The following PSMD3 variants were observed in gnomAD, a reference collection of about 807,000 sequenced individuals.
PSMD3 encodes the protein proteasome 26S subunit, non-ATPase 3.
PSMD3 carries 5 observed loss-of-function variants against 62.8 expected under a neutral mutation model. The ratio of observed to expected loss-of-function variants is 0.08; its 90% CI spans 0.04 to 0.17. The LOEUF (loss-of-function observed/expected upper bound fraction) is 0.17. Among genes scored for constraint, PSMD3 ranks in the 10% least tolerant of loss-of-function variants. PSMD3 has a pLI of 1.00. For missense variants in PSMD3, 524 were observed against 713.6 expected, an observed-to-expected ratio of 0.73 and a Z score of 3.03; for synonymous variants, 265 against 283.9, an observed-to-expected ratio of 0.93 and a Z score of 0.67.
chr17:39,988,957 T>C (rs1273033723), intron 4 of PSMD3, 138 bp downstream of exon 4: 15 of 1,163,590 alleles, frequency 1.3e-5, no homozygotes, highest in Non-Finnish European at 1.8e-5. Flanking sequence ...TCCCATGCCC[T>C]GCGCCACGTG....
At chr17:39,990,579 G>A (rs918484804) in intron 6 of PSMD3, among the ~76,000 whole-genome samples, 1 of 152,134 alleles carries the variant, frequency 6.6e-6, no homozygotes, top group Non-Finnish European at 1.5e-5. Flanking sequence ...TTGCAGGTGC[G>A]AGCTGCCATG....
chr17:39,992,024 C>CAAAAAAAAAAAAAAAAA lies in PSMD3; in HGVS notation c.981+1836_981+1837insAAAAAAAAAAAAAAAAA, dbSNP rs59894264. Among the ~76,000 whole-genome samples the CAAAAAAAAAAAAAAAAA allele has an allele frequency of 7.8e-5, 8 of 102,014 alleles. 2 individuals are homozygous for CAAAAAAAAAAAAAAAAA. Among genetic ancestry groups the CAAAAAAAAAAAAAAAAA allele is most frequent in the East Asian group, 7.3e-4 (2 of 2,748 alleles). 66.9% of individuals were successfully genotyped at this position (102,014 alleles called of 152,430 possible). On this transcript the variant is annotated intron_variant, in intron 6 of 11. Transcript: ENST00000264639. ...TGGGCGACAGAGCAAGACTCTGTCTCAAAAAAAAACAAACATTAAAATTGA... is the reference window on the plus strand; with the variant it reads ...TGGGCGACAGAGCAAGACTCTGTCTCAAAAAAAAAAAAAAAAAAAAAAAAAACAAACATTAAAATTGA...
chr17:39,981,777 C>G (rs552116367), intron 1 of PSMD3, among the ~76,000 whole-genome samples: 7 of 152,326 alleles, frequency 4.6e-5, no homozygotes, highest in African/African-American at 1.7e-4. Flanking sequence ...CCCTCTGTTT[C>G]TAAAGGGTTT....
rs189315822 is a variant in PSMD3, at chr17:39,981,608, C to A, written c.220+418C>A. Among the ~76,000 whole-genome samples the A allele has an allele frequency of 1.5e-3, 230 of 152,312 alleles. 1 individual carries two copies. Among genetic ancestry groups the A allele is most frequent in the African/African-American group, 5.1e-3 (211 of 41,560 alleles). On this transcript the variant is annotated intron_variant, in intron 1 of 11. Coordinates refer to ENST00000264639, the MANE Select transcript of PSMD3 (RefSeq NM_002809.4). ...GCCAGGATGACCTAGAATATTGACT[C>A]CTGAGTTTTAAAACTGTACAGCAGA...
At position 39,990,217 on chromosome 17, in the gene PSMD3, A is replaced by G. The variant is rs762385571; in HGVS notation, c.981+20A>G. 4 of 1,500,162 alleles carry G rather than the reference A, an allele frequency of 2.7e-6. No individual in the cohort carries two copies. Among genetic ancestry groups the G allele is most frequent in the Non-Finnish European group, 3.6e-6 (4 of 1,108,132 alleles). The allele number at this position is 1,500,162 out of a possible 1,614,324, so 92.9% of individuals were successfully genotyped here. ...CAGACGGTGAGCCACAACTACCATC[A>G]TCCCTTTGCCTCTTTTTTTTTTTTT... On this transcript the variant is annotated intron_variant, in intron 6 of 11. Transcript: ENST00000264639.
chr17:39,994,071 T>C (rs1410091643), intron 6 of PSMD3: 1 of 152,278 alleles, frequency 6.6e-6, no homozygotes, highest in Non-Finnish European at 1.5e-5. Flanking sequence ...CCTCCTCCTT[T>C]TTCTGCTTTG....
At chr17:39,990,230 T>A in intron 6 of PSMD3, 33 bp downstream of exon 6, 4 of 352,898 alleles carry the variant, frequency 1.1e-5, no homozygotes, top group Non-Finnish European at 1.5e-5. Flanking sequence ...CCTTTGCCTC[T>A]TTTTTTTTTT....
Position 39,985,247 on chromosome 17 carries a change from C to A in PSMD3, c.411+763C>A, listed in dbSNP as rs192098038. On this transcript the variant is annotated intron_variant, in intron 2 of 11. Transcript: ENST00000264639. ...CTACCTCAAAACAAAACAAAAAAAA[C>A]CCCACAGATTTTAGAGGTAGAGTTG... 5.0e-3 allele frequency among the ~76,000 whole-genome samples: 766 copies of A among 152,124 alleles called. 1 individual carries two copies. The highest frequency in any genetic ancestry group is 0.017 in the African/African-American group (714 of 41,504).
chr17:39,996,300 A>C lies in PSMD3; in HGVS notation c.1438A>C (p.Ile480Leu). Residue 480 changes from isoleucine to leucine, a missense_variant, in exon 10 of 12, where the codon ATC becomes CTC. By Grantham distance (5) the Ile-to-Leu change is conservative. Around this residue, in one of 4 missense-constraint regions of PSMD3, gnomAD observed 76 missense variants for 97.3 expected, o/e 0.78. Coordinates refer to ENST00000264639, the MANE Select transcript of PSMD3 (RefSeq NM_002809.4). This position sits in a 1 kb window ranked among gnomAD's most constrained non-coding sequence, Gnocchi z 5.1. ...GCCCCAGCTAGCCTTCCACCAGCGC[A>C]TCTCCTTCTGCCTAGATATCCACAA... The part of the protein sequence containing the change: ...REPQLAFHQR[I>L]SFCLDIHNMS... The C allele has an allele frequency of 6.2e-7, 1 of 1,613,934 alleles. No individual in the cohort carries two copies. Among genetic ancestry groups the C allele is most frequent in the Non-Finnish European group, 8.5e-7 (1 of 1,180,012 alleles).
chr17:39,996,897 G>A lies in PSMD3; in HGVS notation c.1477-433G>A, dbSNP rs906070171. ...GAGGAAACTAGGATATTGCTGCCTT[G>A]CTTAAAATCTGGCTAAGCCCTACTC... On this transcript the variant is annotated intron_variant, in intron 10 of 11. Transcript: ENST00000264639. This position sits in a 1 kb window ranked among gnomAD's most constrained non-coding sequence, Gnocchi z 5.1. 4.3e-5 allele frequency: 18 copies of A among 415,524 alleles called. No homozygotes were observed. Among genetic ancestry groups the A allele is most frequent in the Non-Finnish European group, 8.0e-5 (17 of 211,856 alleles). 25.7% of individuals were successfully genotyped at this position (415,524 alleles called of 1,614,324 possible).
At position 39,996,346 on chromosome 17, in the gene PSMD3, G is replaced by C. The variant is rs770955217; in HGVS notation, c.1476+8G>C. 2 of 1,612,728 alleles carry C rather than the reference G, an allele frequency of 1.2e-6. No homozygotes were observed. The highest frequency in any genetic ancestry group is 1.7e-6 in the Non-Finnish European group (2 of 1,179,442). Reference sequence around the variant, plus strand: ...CACAACATGTCTGTCAAGGTGAGAAGCCCGTGGCTGCAGAGTCACGCCTGG... The same window carrying C: ...CACAACATGTCTGTCAAGGTGAGAACCCCGTGGCTGCAGAGTCACGCCTGG... On this transcript the variant is annotated splice_region_variant and intron_variant, in intron 10 of 11. Transcript: ENST00000264639. The surrounding 1 kb of genome is among the most constrained non-coding windows in gnomAD (Gnocchi z 5.1).
rs59894264 is a variant in PSMD3, at chr17:39,992,024, C to CAAAAAAA, written c.981+1830_981+1836dup. Among the ~76,000 whole-genome samples the CAAAAAAA allele has an allele frequency of 5.1e-4, 52 of 102,098 alleles. 2 individuals carry two copies. The highest frequency in any genetic ancestry group is 4.3e-3 in the Middle Eastern group (1 of 230). The allele number at this position is 102,098 out of a possible 152,430, so 67.0% of individuals were successfully genotyped here. On this transcript the variant is annotated intron_variant, in intron 6 of 11. Coordinates refer to ENST00000264639, the MANE Select transcript of PSMD3 (RefSeq NM_002809.4). ...TGGGCGACAGAGCAAGACTCTGTCT[C>CAAAAAAA]AAAAAAAAACAAACATTAAAATTGA...
intron 6 of PSMD3, among the ~76,000 whole-genome samples, chr17:39,992,704 C>T (rs1467123380): frequency 6.6e-6 from 1 of 152,188 alleles, no homozygotes; most frequent in Non-Finnish European, 1.5e-5. Flanking sequence ...TCTCTTCTAG[C>T]CTTGGCCCAT....
Position 39,997,596 on chromosome 17 carries a change from G to C in PSMD3, c.*15G>C. 6.3e-7 allele frequency: 1 copy of C among 1,585,970 alleles called. No individual in the cohort carries two copies. Among genetic ancestry groups the C allele is most frequent in the African/African-American group, 1.3e-5 (1 of 74,426 alleles). On this transcript the variant is annotated 3_prime_UTR_variant, in exon 12 of 12. Coordinates refer to ENST00000264639, the MANE Select transcript of PSMD3 (RefSeq NM_002809.4). ...GCTTCCCTTGAGCTGGGGGGCTGGGGAGGGGTAGGGGGAATGGGGACAGGC... is the reference window on the plus strand; with the variant it reads ...GCTTCCCTTGAGCTGGGGGGCTGGGCAGGGGTAGGGGGAATGGGGACAGGC...
Position 39,981,017 on chromosome 17 carries a change from A to G in PSMD3, c.47A>G (p.Lys16Arg). 6.5e-7 allele frequency: 1 copy of G among 1,549,210 alleles called. No individual in the cohort carries two copies. Among genetic ancestry groups the G allele is most frequent in the Non-Finnish European group, 8.7e-7 (1 of 1,146,788 alleles). ...SARRRGADKA[K>R]PPPGGGEQEP... ...CGGCGCCGCGGCGCGGACAAGGCGA[A>G]ACCGCCGCCCGGCGGAGGAGAACAA... The change falls in exon 1 of 12, where the codon AAA (lysine) becomes AGA (arginine). Residue 16 changes from lysine (K) to arginine (R), a missense_variant. Coordinates refer to ENST00000264639, the MANE Select transcript of PSMD3 (RefSeq NM_002809.4).
In PSMD3 at chr17:39,997,729, C is replaced by A; in HGVS notation, c.*148C>A. ...GTGGGGGTGCTGGGAGCCAGCCACC[C>A]TGACCTCCCCCAGGGCTCCTCCCCA... On this transcript the variant is annotated 3_prime_UTR_variant, in exon 12 of 12. Coordinates refer to ENST00000264639, the MANE Select transcript of PSMD3 (RefSeq NM_002809.4). 1.1e-6 allele frequency: 1 copy of A among 919,146 alleles called. No individual in the cohort carries two copies. Among genetic ancestry groups the A allele is most frequent in the Non-Finnish European group, 1.7e-6 (1 of 603,516 alleles). 56.9% of individuals were successfully genotyped at this position (919,146 alleles called of 1,614,324 possible).
chr17:39,990,019 T>G (rs1047365687), intron 5 of PSMD3, 75 bp from the exon 6 acceptor site: 68 of 1,591,734 alleles, frequency 4.3e-5, no homozygotes, highest in Non-Finnish European at 5.6e-5. Flanking sequence ...AGAGGCCCAT[T>G]TGGCACCCTG....
At chr17:39,983,931 G>C (rs1413847946) in intron 1 of PSMD3, among the ~76,000 whole-genome samples, 2 of 152,196 alleles carry the variant, frequency 1.3e-5, no homozygotes, top group African/African-American at 4.8e-5. Context: ...CCGGCACGGT[G>C]GCTCACGCCT....
chr17:39,983,064 G>A (rs1407668820), intron 1 of PSMD3, among the ~76,000 whole-genome samples: 1 of 150,168 alleles, frequency 6.7e-6, no homozygotes, highest in African/African-American at 2.5e-5. Flanking sequence ...ACGGAGTCTC[G>A]CTCTGTTGCC....
Sources: allele counts gnomAD v4.1 joint callset (sites outside exome capture counted in the v4.1 genomes callset), GRCh38; gene constraint gnomAD v4.1.1; regional missense constraint gnomAD v4.1.1; non-coding constraint Gnocchi (gnomAD v3.1); transcripts MANE v1.5; gene names NCBI Gene and HGNC (gene_info 2026-07-23, HGNC 2026-07-21).